OPCML: variants seen among roughly 807,000 people sequenced by gnomAD.
OPCML encodes opioid-binding protein/cell adhesion molecule.
A neutral mutation model predicts 37.8 loss-of-function variants in OPCML; 13 were observed. The observed-to-expected ratio is 0.34, with a 90% CI of 0.22 to 0.55. The LOEUF (loss-of-function observed/expected upper bound fraction) is 0.55. OPCML is among the 20% of genes least tolerant of loss of function. The pLI is 0.91. For missense variants in OPCML, 341 were observed against 435.6 expected, an observed-to-expected ratio of 0.78 and a Z score of 1.93; for synonymous variants, 176 against 168.8, an observed-to-expected ratio of 1.04 and a Z score of -0.33.
At chr11:132,507,377 A>G (rs1439818399) in intron 4 of OPCML, among the ~76,000 whole-genome samples, 1 of 152,010 alleles carries the variant, frequency 6.6e-6, no homozygotes, top group East Asian at 1.9e-4. Context: ...CTTGTACTGT[A>G]GTATTAATGA....
intron 1 of OPCML, among the ~76,000 whole-genome samples, chr11:133,164,193 A>G (rs1950180085): frequency 6.6e-6 from 1 of 152,216 alleles, no homozygotes; most frequent in Non-Finnish European, 1.5e-5. Flanking sequence ...CCTTGCCTGC[A>G]GCTTCTGTGC....
At chr11:132,573,961 A>G (rs1404986217) in intron 3 of OPCML, among the ~76,000 whole-genome samples, 1 of 151,874 alleles carries the variant, frequency 6.6e-6, no homozygotes, top group Non-Finnish European at 1.5e-5. Context: ...GGTACTTTGT[A>G]TGTTCCTAGA....
chr11:133,520,494 G>A (rs904268954), intron 1 of OPCML, among the ~76,000 whole-genome samples: 2 of 152,120 alleles, frequency 1.3e-5, no homozygotes, highest in African/African-American at 4.8e-5. Context: ...GTGGGGACAC[G>A]AGATGATGTT....
intron 1 of OPCML, among the ~76,000 whole-genome samples, chr11:133,140,125 T>G (rs1949745786): frequency 6.6e-6 from 1 of 150,480 alleles, no homozygotes; most frequent in Non-Finnish European, 1.5e-5. Flanking sequence ...AGGCAGAGGT[T>G]GCAGTGAGCC....
intron 1 of OPCML, among the ~76,000 whole-genome samples, chr11:133,197,659 T>C (rs912347016): frequency 1.3e-5 from 2 of 152,226 alleles, no homozygotes; most frequent in African/African-American, 2.4e-5. Flanking sequence ...AAATGGTGTT[T>C]ATGCCAATGA....
At chr11:132,534,745 G>A (rs1479952370) in intron 3 of OPCML, among the ~76,000 whole-genome samples, 1 of 152,156 alleles carries the variant, frequency 6.6e-6, no homozygotes, top group Non-Finnish European at 1.5e-5. Context: ...CAATGGGGAT[G>A]AAAAACTTGT....
At chr11:132,686,044 G>A (rs1276004300) in intron 2 of OPCML, among the ~76,000 whole-genome samples, 1 of 152,176 alleles carries the variant, frequency 6.6e-6, no homozygotes, top group Non-Finnish European at 1.5e-5. Context: ...TGCTGTCATT[G>A]CATTGTCTGC....
At chr11:133,380,963 A>G (rs1944916324) in intron 1 of OPCML, among the ~76,000 whole-genome samples, 1 of 152,218 alleles carries the variant, frequency 6.6e-6, no homozygotes, top group Admixed American at 6.5e-5. Flanking sequence ...TCTTCCAGAT[A>G]AAACAATTAG....
At chr11:132,643,381 G>A (rs961067198) in intron 3 of OPCML, among the ~76,000 whole-genome samples, 3 of 152,198 alleles carry the variant, frequency 2.0e-5, no homozygotes, top group African/African-American at 2.4e-5. Context: ...TTTGCCCAGA[G>A]AACCGCAGGG....
chr11:133,131,752 T>C (rs1483478120), intron 1 of OPCML, among the ~76,000 whole-genome samples: 2 of 152,244 alleles, frequency 1.3e-5, no homozygotes. Flanking sequence ...TTTCAAGTGC[T>C]GTCTTAACAT....
chr11:132,604,998 A>G (rs1938185359), intron 3 of OPCML, among the ~76,000 whole-genome samples: 1 of 152,250 alleles, frequency 6.6e-6, no homozygotes. Context: ...AGTAAAAATT[A>G]ATCTGGCCCT....
At chr11:132,733,539 T>C (rs182108364) in intron 2 of OPCML, among the ~76,000 whole-genome samples, 1 of 152,192 alleles carries the variant, frequency 6.6e-6, no homozygotes, top group East Asian at 1.9e-4. Flanking sequence ...ATCCTAAGAA[T>C]GGGAAAGAGA....
chr11:133,002,560 G>A (rs1429145713), intron 1 of OPCML, among the ~76,000 whole-genome samples: 28 of 152,158 alleles, frequency 1.8e-4, no homozygotes, highest in Admixed American at 1.8e-3. Context: ...GCCCACAGGG[G>A]TAGCATGAGG....
intron 3 of OPCML, among the ~76,000 whole-genome samples, chr11:132,609,117 C>T (rs1460520603): frequency 1.3e-5 from 2 of 151,746 alleles, no homozygotes; most frequent in Non-Finnish European, 2.9e-5. Context: ...ATTCGTGTTT[C>T]TCATCGGCTT....
At chr11:132,515,214 C>A (rs1175923644) in intron 4 of OPCML, among the ~76,000 whole-genome samples, 2 of 152,054 alleles carry the variant, frequency 1.3e-5, no homozygotes, top group South Asian at 2.1e-4. Flanking sequence ...ATTTTCAGCA[C>A]CCCAGGAGGA....
intron 1 of OPCML, among the ~76,000 whole-genome samples, chr11:133,108,776 C>T (rs1306499297): frequency 6.7e-6 from 1 of 149,962 alleles, no homozygotes. Context: ...CCCATTGTTA[C>T]CAAAGACAGC....
At chr11:133,021,944 G>C (rs2136903441) in intron 1 of OPCML, among the ~76,000 whole-genome samples, 1 of 152,342 alleles carries the variant, frequency 6.6e-6, no homozygotes, top group African/African-American at 2.4e-5. Context: ...CACATGCAGT[G>C]ATCTGAATAC....
intron 3 of OPCML, among the ~76,000 whole-genome samples, chr11:132,537,688 C>T (rs77637036): frequency 5.3e-5 from 8 of 152,086 alleles, no homozygotes; most frequent in Admixed American, 1.3e-4. Flanking sequence ...TATCTAATAA[C>T]GGACTACTGT....
At chr11:132,869,778 G>C (rs1312840053) in intron 2 of OPCML, among the ~76,000 whole-genome samples, 1 of 152,102 alleles carries the variant, frequency 6.6e-6, no homozygotes, top group Non-Finnish European at 1.5e-5. Flanking sequence ...CATAAAGTGG[G>C]CCTCAGTGCA....
Sources: allele counts gnomAD v4.1 joint callset (sites outside exome capture counted in the v4.1 genomes callset), GRCh38; gene constraint gnomAD v4.1.1; transcripts MANE v1.5; gene names NCBI Gene and HGNC (gene_info 2026-07-23, HGNC 2026-07-21).